The following ZNF143 variants were observed in gnomAD, a reference collection of about 807,000 sequenced individuals.
ZNF143 encodes the protein zinc finger protein 143.
ZNF143 carries 49 observed loss-of-function variants against 74.1 expected under a neutral mutation model. That is an observed-to-expected ratio of 0.66 (90% CI 0.53 to 0.84). The LOEUF (loss-of-function observed/expected upper bound fraction) is 0.84, where lower values mean the gene tolerates loss of function less well. Ranked by LOEUF, ZNF143 falls within the 40% of genes least tolerant of loss-of-function variation. The pLI is 0.00. For synonymous variants in ZNF143, 304 were observed against 282.8 expected (o/e 1.07, Z -0.75); for missense variants, 637 against 793.4 (o/e 0.80, Z 2.37).
intron 11 of ZNF143, among the ~76,000 whole-genome samples, chr11:9,506,306 A>C (rs1033243969): frequency 6.6e-6 from 1 of 152,222 alleles, no homozygotes; most frequent in Non-Finnish European, 1.5e-5. Flanking sequence ...CACTTCCAGC[A>C]TGGGTGACAG....
chr11:9,488,008 T>G (rs1053941320), intron 7 of ZNF143, among the ~76,000 whole-genome samples: 3 of 152,236 alleles, frequency 2.0e-5, no homozygotes, highest in Admixed American at 6.5e-5. Context: ...TCCTGCATAT[T>G]TATGATTATA....
intron 15 of ZNF143, among the ~76,000 whole-genome samples, chr11:9,525,949 C>G (rs949387081): frequency 6.6e-6 from 1 of 152,050 alleles, no homozygotes; most frequent in African/African-American, 2.4e-5. Context: ...AGAGACCAGC[C>G]TGGGCAACAT....
intron 10 of ZNF143, among the ~76,000 whole-genome samples, chr11:9,500,583 G>A (rs1470896): frequency 0.49 from 73,480 of 151,254 alleles, 18,088 homozygotes; most frequent in Non-Finnish European, 0.52. Flanking sequence ...ACAGGCGCCC[G>A]GCACCATGCC....
chr11:9,493,635 T>TCTG (rs571779190), intron 7 of ZNF143, among the ~76,000 whole-genome samples: 145 of 152,324 alleles, frequency 9.5e-4, no homozygotes, highest in Non-Finnish European at 1.7e-3. Context: ...TCCTCCTTTC[T>TCTG]CTGCCTTTAC....
chr11:9,474,286 C>A (rs2133880210), intron 4 of ZNF143, among the ~76,000 whole-genome samples: 1 of 152,300 alleles, frequency 6.6e-6, no homozygotes, highest in East Asian at 1.9e-4. Context: ...CTGAATCTTA[C>A]ATGTCTCTCA....
chr11:9,527,404 T>G, intron 15 of ZNF143, 126 bp from the exon 16 acceptor site: 1 of 819,688 alleles, frequency 1.2e-6, no homozygotes, highest in Non-Finnish European at 2.0e-6. Context: ...AGCAGTAGTA[T>G]TTTAACAATC....
chr11:9,494,546 A>G (rs1847892629), intron 7 of ZNF143, 100 bp from the exon 8 acceptor site: 1 of 1,234,966 alleles, frequency 8.1e-7, no homozygotes, highest in Non-Finnish European at 1.1e-6. Flanking sequence ...CCTGGGCTCA[A>G]ATGATCCGCC....
In ZNF143 at chr11:9,516,316, C is replaced by T. The variant is rs201163547; in HGVS notation, c.1640C>T (p.Thr547Met). 225 of 1,613,900 alleles carry T rather than the reference C, an allele frequency of 1.4e-4. No homozygotes were observed. The highest frequency in any genetic ancestry group is 1.7e-4 in the Non-Finnish European group (205 of 1,179,942). Reference protein sequence around the residue: ...AHDAVISSAGTHSVAMVTAEG... With the variant: ...AHDAVISSAGMHSVAMVTAEG... Reference sequence around the variant, plus strand: ...GATGCAGTCATCTCCTCAGCAGGAACGCACTCTGTTGCTATGGTTACTGCT... The same window carrying T: ...GATGCAGTCATCTCCTCAGCAGGAATGCACTCTGTTGCTATGGTTACTGCT... Residue 547 changes from threonine to methionine, a missense_variant, in exon 14 of 16, where the codon ACG becomes ATG. This residue lies in a region of ZNF143 where 344 missense variants were observed against 485.6 expected (regional missense o/e 0.71). Transcript: ENST00000396602.
At chr11:9,472,818 C>T in intron 3 of ZNF143, 49 bp downstream of exon 3, 9 of 1,415,662 alleles carry the variant, frequency 6.4e-6, no homozygotes, top group Non-Finnish European at 8.5e-6. Context: ...GATTTATAAC[C>T]TGTGAGTTGG....
At position 9,474,391 on chromosome 11, in the gene ZNF143, C is replaced by T. The variant is rs145684564; in HGVS notation, c.290-159C>T. ...ATGTCTTTTTACCTTTAAACACTGA[C>T]GCAGGGAAGCTTTACTGAACTTACT... On this transcript the variant is annotated intron_variant, in intron 4 of 15. Coordinates refer to ENST00000396602, the MANE Select transcript of ZNF143 (RefSeq NM_003442.6). Among the ~76,000 whole-genome samples, 406 of 152,222 alleles carry T rather than the reference C, an allele frequency of 2.7e-3. 1 individual carries two copies. Among genetic ancestry groups the T allele is most frequent in the African/African-American group, 9.4e-3 (390 of 41,520 alleles).
Position 9,494,679 on chromosome 11 carries a change from G to A in ZNF143, c.679G>A (p.Ala227Thr), listed in dbSNP as rs1361340664. Residue 227 changes from alanine to threonine, a missense_variant, in exon 8 of 16, where the codon GCT (alanine) becomes ACT (threonine). This residue lies in a region of ZNF143 where 293 missense variants were observed against 307.8 expected (regional missense o/e 0.95). Coordinates refer to ENST00000396602, the MANE Select transcript of ZNF143 (RefSeq NM_003442.6). ...VLQGHATRVT[A>T]KSQQSGEKAF... ...ACAAGGACATGCTACAAGAGTAACT[G>A]CTAAATCTCAACAGAGTGGAGAGAA... 6.2e-7 allele frequency: 1 copy of A among 1,613,758 alleles called. No homozygotes were observed. Among genetic ancestry groups the A allele is most frequent in the Admixed American group, 1.7e-5 (1 of 60,004 alleles).
chr11:9,464,082 G>C (rs1263516226), intron 1 of ZNF143, among the ~76,000 whole-genome samples: 1 of 138,154 alleles, frequency 7.2e-6, no homozygotes, highest in African/African-American at 2.7e-5. Context: ...TCGTGTGTGT[G>C]TGTTTGTGTG....
At chr11:9,476,258 T>C (rs1856883545) in intron 5 of ZNF143, among the ~76,000 whole-genome samples, 1 of 152,174 alleles carries the variant, frequency 6.6e-6, no homozygotes. Context: ...CGTAGGGTTG[T>C]TGTGAGGACA....
In ZNF143 at chr11:9,504,021, G is replaced by T. The variant is rs1367646072; in HGVS notation, c.1147+2751G>T. ...GTCACTCAGGCTGGAGTGCAGTGGC[G>T]CAATCTTGGCCTGCTGCACCCTCCA... On this transcript the variant is annotated intron_variant, in intron 11 of 15. Coordinates refer to ENST00000396602, the MANE Select transcript of ZNF143 (RefSeq NM_003442.6). Among the ~76,000 whole-genome samples the T allele has an allele frequency of 3.1e-4, 43 of 136,942 alleles. No homozygotes were observed. In the East Asian group the frequency reaches 7.4e-3, roughly 24 times the overall value. The allele number at this position is 136,942 out of a possible 152,430, so 89.8% of individuals were successfully genotyped here.
At chr11:9,511,118 T>G (rs2134170151) in intron 12 of ZNF143, among the ~76,000 whole-genome samples, 1 of 144,878 alleles carries the variant, frequency 6.9e-6, no homozygotes, top group Non-Finnish European at 1.5e-5. Context: ...TTTTTTTTTT[T>G]TTTTTTTTTG....
At chr11:9,493,699 G>A (rs1441007215) in intron 7 of ZNF143, among the ~76,000 whole-genome samples, 1 of 152,090 alleles carries the variant, frequency 6.6e-6, no homozygotes, top group Non-Finnish European at 1.5e-5. Context: ...TATATGCCAT[G>A]TGTGACAGTC....
chr11:9,518,013 C>T (rs981414873), intron 14 of ZNF143, among the ~76,000 whole-genome samples: 6 of 152,116 alleles, frequency 3.9e-5, no homozygotes, highest in Non-Finnish European at 7.4e-5. Flanking sequence ...TAAAAACGGA[C>T]TGTATTGAGA....
At chr11:9,469,237 T>TA (rs1856428548) in intron 1 of ZNF143, among the ~76,000 whole-genome samples, 1 of 129,614 alleles carries the variant, frequency 7.7e-6, no homozygotes, top group South Asian at 2.2e-4. Context: ...TTTTTTTTTT[T>TA]TACCACCCCC....
chr11:9,503,893 T>C (rs373587278), intron 11 of ZNF143, among the ~76,000 whole-genome samples: 4 of 150,262 alleles, frequency 2.7e-5, no homozygotes, highest in African/African-American at 9.8e-5. Flanking sequence ...CTCAGGTGAT[T>C]CACCTGCCTT....
Sources: gnomAD v4.1 joint callset for allele counts (sites outside exome capture counted in the v4.1 genomes callset) on GRCh38, gnomAD v4.1.1 for gene constraint, gnomAD v4.1.1 regional missense constraint, MANE v1.5 for transcripts, NCBI Gene and HGNC (gene_info 2026-07-23, HGNC 2026-07-21) for gene names.